KSR1: variants seen among roughly 807,000 people sequenced by gnomAD.
The protein encoded by KSR1 is kinase suppressor of ras 1.
In KSR1, 35 loss-of-function variants were observed where a neutral mutation model predicts 92.9. The observed-to-expected ratio is 0.38, with a 90% confidence interval of 0.29 to 0.50. The LOEUF is 0.50. Ranked by LOEUF, KSR1 falls within the 20% of genes least tolerant of loss-of-function variation. KSR1 has a pLI of 0.94. For synonymous variants in KSR1, 467 were observed against 472.6 expected, an observed-to-expected ratio of 0.99 and a Z score of 0.15; for missense variants, 972 against 1,158.5, an observed-to-expected ratio of 0.84 and a Z score of 2.34.
intron 1 of KSR1, among the ~76,000 whole-genome samples, chr17:27,509,321 C>T (rs936781478): frequency 1.3e-5 from 2 of 150,334 alleles, no homozygotes; most frequent in South Asian, 2.1e-4. Flanking sequence ...GACAGAGTTT[C>T]GCTTTGTTGC....
At chr17:27,479,580 T>C (rs1480495894) in intron 1 of KSR1, among the ~76,000 whole-genome samples, 1 of 152,190 alleles carries the variant, frequency 6.6e-6, no homozygotes, top group African/African-American at 2.4e-5. Context: ...ACCTGCTTTC[T>C]TTGCTCAGTT....
chr17:27,506,417 A>G lies in KSR1; in HGVS notation c.232-44151A>G, dbSNP rs187126880. Among the ~76,000 whole-genome samples, 274 of 152,340 alleles carry G rather than the reference A, an allele frequency of 1.8e-3. 2 individuals are homozygous for G. The highest frequency in any genetic ancestry group is 3.3e-3 in the Non-Finnish European group (222 of 68,024). ...TCGATGTGGTTGTTTAACAAAGCGTAGTTTTTATTATTAGTTGTAGATGTT... is the reference window on the plus strand; with the variant it reads ...TCGATGTGGTTGTTTAACAAAGCGTGGTTTTTATTATTAGTTGTAGATGTT... On this transcript the variant is annotated intron_variant, in intron 1 of 20. Transcript: ENST00000644974.
At chr17:27,621,904 T>A (rs747006802) in intron 20 of KSR1, 1 of 1,613,504 alleles carries the variant, frequency 6.2e-7, no homozygotes, top group South Asian at 1.1e-5. Context: ...TGCTGTTCTT[T>A]GCTTTCTTCT....
chr17:27,622,663 C>T (rs1490627474), intron 20 of KSR1: 2 of 152,976 alleles, frequency 1.3e-5, no homozygotes, highest in Non-Finnish European at 2.9e-5. Flanking sequence ...AGTCTCTGCC[C>T]CGTCCCCACC....
intron 1 of KSR1, among the ~76,000 whole-genome samples, chr17:27,487,428 T>TC (rs1256634195): frequency 1.3e-5 from 2 of 151,782 alleles, no homozygotes; most frequent in Non-Finnish European, 2.9e-5. Flanking sequence ...GGAGCGAGAC[T>TC]CCATCTCCAA....
At chr17:27,598,537 C>T (rs754546615) in intron 10 of KSR1, among the ~76,000 whole-genome samples, 27 of 152,184 alleles carry the variant, frequency 1.8e-4, no homozygotes, top group African/African-American at 6.5e-4. Context: ...CTGACATTCA[C>T]GCGTTGTCCT....
chr17:27,604,643 C>T (rs747298858), intron 12 of KSR1, 37 bp from the exon 13 acceptor site: 1 of 1,599,228 alleles, frequency 6.3e-7, no homozygotes, highest in Non-Finnish European at 8.6e-7. Context: ...GAGCGGTGTT[C>T]CTCAAGGTCT....
At chr17:27,561,832 T>C (rs1335620274) in intron 2 of KSR1, among the ~76,000 whole-genome samples, 1 of 152,186 alleles carries the variant, frequency 6.6e-6, no homozygotes, top group African/African-American at 2.4e-5. Flanking sequence ...CCTGTACTGC[T>C]TGGTGTTTGT....
At chr17:27,609,354 T>C (rs778001695) in intron 16 of KSR1, 25 bp downstream of exon 16, 4 of 1,612,412 alleles carry the variant, frequency 2.5e-6, no homozygotes, top group Non-Finnish European at 2.5e-6. Context: ...AGTGTCTGGG[T>C]GGGTTGTGGG....
intron 5 of KSR1, chr17:27,585,923 G>A (rs2072950527): frequency 1.8e-6 from 1 of 541,228 alleles, no homozygotes; most frequent in Non-Finnish European, 3.3e-6. Flanking sequence ...GCAGCCCCAT[G>A]AAGAGCCCTG....
intron 1 of KSR1, among the ~76,000 whole-genome samples, chr17:27,523,471 C>T (rs943483455): frequency 6.6e-6 from 1 of 151,786 alleles, no homozygotes; most frequent in Non-Finnish European, 1.5e-5. Flanking sequence ...TCAAGTTGCT[C>T]GCAGTCTAAT....
At chr17:27,588,309 G>C (rs944614032) in intron 5 of KSR1, 166 bp from the exon 6 acceptor site, 1 of 493,296 alleles carries the variant, frequency 2.0e-6, no homozygotes, top group Non-Finnish European at 3.4e-6. Flanking sequence ...ATGCCACTGG[G>C]CTAGCCTGGC....
At chr17:27,541,561 G>A (rs1375560666) in intron 1 of KSR1, among the ~76,000 whole-genome samples, 1 of 152,204 alleles carries the variant, frequency 6.6e-6, no homozygotes, top group Non-Finnish European at 1.5e-5. Flanking sequence ...GGCGTGGCTG[G>A]ATTTTGGGCT....
chr17:27,597,647 G>T (rs1355983316), intron 10 of KSR1, among the ~76,000 whole-genome samples: 3 of 152,206 alleles, frequency 2.0e-5, no homozygotes, highest in African/African-American at 7.2e-5. Flanking sequence ...AGAGGGAGGG[G>T]CTTGCCATGA....
chr17:27,561,761 G>A (rs780133249), intron 2 of KSR1, among the ~76,000 whole-genome samples: 7 of 152,186 alleles, frequency 4.6e-5, no homozygotes, highest in Non-Finnish European at 1.0e-4. Context: ...ACTTTTCAGG[G>A]TGGGGGTTCC....
At chr17:27,470,535 A>G (rs2019942893) in intron 1 of KSR1, among the ~76,000 whole-genome samples, 1 of 151,490 alleles carries the variant, frequency 6.6e-6, no homozygotes, top group Non-Finnish European at 1.5e-5. Flanking sequence ...CCACTGCGCC[A>G]GGCCTAAGTT....
intron 4 of KSR1, 92 bp downstream of exon 4, chr17:27,583,197 T>C (rs1165481299): frequency 7.1e-6 from 6 of 850,246 alleles, no homozygotes; most frequent in East Asian, 2.7e-5. Context: ...TCAACCCCTA[T>C]AGACGTGTGT....
intron 3 of KSR1, among the ~76,000 whole-genome samples, chr17:27,581,561 G>C (rs925140892): frequency 9.2e-5 from 14 of 152,054 alleles, no homozygotes; most frequent in Admixed American, 5.2e-4. Context: ...GCTGGCTCAT[G>C]TGGAGCTAGC....
chr17:27,526,044 T>TTTCTTTTCTTTTCTTTTCTTTTCTTTC (rs1555576232), intron 1 of KSR1, among the ~76,000 whole-genome samples: 2 of 122,878 alleles, frequency 1.6e-5, no homozygotes, highest in African/African-American at 3.4e-5. Flanking sequence ...TTTCTTTTCT[T>TTTCTTTTCTTTTCTTTTCTTTTCTTTC]TCTCTCTCTC....
Sources: allele counts gnomAD v4.1 joint callset (sites outside exome capture counted in the v4.1 genomes callset), GRCh38; gene constraint gnomAD v4.1.1; transcripts MANE v1.5; gene names NCBI Gene and HGNC (gene_info 2026-07-23, HGNC 2026-07-21).